Variants in P3H2 observed in about 807,000 individuals in gnomAD.
The protein encoded by P3H2 is prolyl 3-hydroxylase 2.
In P3H2, 80 loss-of-function variants were observed where a neutral mutation model predicts 87.0. The observed-to-expected ratio is 0.92, with a 90% CI of 0.77 to 1.11. The LOEUF (loss-of-function observed/expected upper bound fraction) is 1.11, where lower values mean the gene tolerates loss of function less well. P3H2 is among the 50% of genes least tolerant of loss of function. The pLI is 0.00. For missense variants in P3H2, 1,001 were observed against 923.9 expected (o/e 1.08, Z -1.08); for synonymous variants, 367 against 359.3 (o/e 1.02, Z -0.24).
At chr3:190,109,505 T>G (rs1371538954) in intron 1 of P3H2, among the ~76,000 whole-genome samples, 1 of 152,208 alleles carries the variant, frequency 6.6e-6, no homozygotes, top group Admixed American at 6.6e-5. Context: ...GAATGAGAAA[T>G]ATAGTCATTC....
intron 1 of P3H2, among the ~76,000 whole-genome samples, chr3:190,088,477 T>TAG (rs10681604): frequency 0.11 from 17,161 of 152,152 alleles, 2,142 homozygotes; most frequent in African/African-American, 0.31. Flanking sequence ...AGAAAACACA[T>TAG]AGATCTCTCT....
At chr3:190,085,986 AC>A (rs534402078) in intron 1 of P3H2, among the ~76,000 whole-genome samples, 276 of 152,310 alleles carry the variant, frequency 1.8e-3, no homozygotes, top group African/African-American at 6.5e-3. Context: ...AGCAAAATTT[AC>A]TAAAAGATTT....
chr3:190,067,098 GC>G (rs1309324707), intron 1 of P3H2, among the ~76,000 whole-genome samples: 3 of 149,976 alleles, frequency 2.0e-5, no homozygotes, highest in African/African-American at 7.5e-5. Flanking sequence ...TCCTGCCTTG[GC>G]CTCCCAAAGT....
intron 3 of P3H2, among the ~76,000 whole-genome samples, chr3:189,993,613 T>C (rs1012834518): frequency 6.6e-6 from 1 of 152,124 alleles, no homozygotes; most frequent in Non-Finnish European, 1.5e-5. Flanking sequence ...TACACAAAAG[T>C]GTTCACTACT....
chr3:190,052,380 T>C (rs1023162878), intron 1 of P3H2, among the ~76,000 whole-genome samples: 43 of 152,140 alleles, frequency 2.8e-4, no homozygotes, highest in African/African-American at 9.9e-4. Context: ...CTGAGAATGA[T>C]AGCTTCCAGT....
intron 1 of P3H2, among the ~76,000 whole-genome samples, chr3:190,029,770 G>A (rs113055134): frequency 0.026 from 3,940 of 152,220 alleles, 175 homozygotes; most frequent in African/African-American, 0.09. Context: ...GGAGGCCAAG[G>A]TGGGTGGATC....
chr3:189,987,303 C>T (rs961923455), intron 5 of P3H2, among the ~76,000 whole-genome samples: 8 of 151,670 alleles, frequency 5.3e-5, no homozygotes, highest in South Asian at 2.1e-4. Flanking sequence ...GGAGAAACCC[C>T]GTCTCTACTA....
intron 7 of P3H2, 58 bp from the exon 8 acceptor site, chr3:189,983,198 C>G (rs905420160): frequency 1.3e-5 from 16 of 1,265,110 alleles, no homozygotes; most frequent in Non-Finnish European, 1.9e-5. Context: ...TGTTCAAAGG[C>G]AAAGAATACT....
chr3:190,071,097 T>C (rs372151900), intron 1 of P3H2, among the ~76,000 whole-genome samples: 7 of 152,240 alleles, frequency 4.6e-5, no homozygotes, highest in African/African-American at 1.7e-4. Context: ...CAATAAATAC[T>C]ATCATGTTAC....
intron 13 of P3H2, among the ~76,000 whole-genome samples, chr3:189,965,979 AAAAG>A (rs1485667042): frequency 9.4e-4 from 141 of 150,752 alleles, no homozygotes; most frequent in African/African-American, 2.8e-3. Context: ...GAAAAAAAAA[AAAAG>A]AAAGAAAGAA....
chr3:189,984,583 C>A lies in P3H2; in HGVS notation c.1196G>T (p.Trp399Leu). Residue 399 changes from tryptophan (W) to leucine (L), a missense_variant, in exon 7 of 15, where the codon TGG (tryptophan) becomes TTG (leucine). By Grantham distance (61) the Trp-to-Leu change is moderately conservative. Transcript: ENST00000319332. ...ATCCTGTCGTCCTCCATATCTGATC[C>A]AATAATTCTGTTTTGAATCGAGTAA... is the stretch of plus-strand genomic sequence containing the variant. ...LGFSYTEPNY[W>L]IRYGGRQDEN... The A allele has an allele frequency of 1.3e-6, 2 of 1,599,206 alleles. No homozygotes were observed. The highest frequency in any genetic ancestry group is 2.2e-5 in the South Asian group (2 of 90,132).
chr3:190,050,134 C>T (rs561653337), intron 1 of P3H2, among the ~76,000 whole-genome samples: 26 of 152,242 alleles, frequency 1.7e-4, no homozygotes, highest in African/African-American at 5.3e-4. Context: ...CCCATGTGAA[C>T]AAAATTGCTA....
At chr3:190,110,467 C>G (rs955873556) in intron 1 of P3H2, among the ~76,000 whole-genome samples, 1 of 152,156 alleles carries the variant, frequency 6.6e-6, no homozygotes, top group Admixed American at 6.5e-5. Context: ...CCTTGGTAAT[C>G]CTATAGAAAC....
At chr3:190,101,051 C>T (rs1016036636) in intron 1 of P3H2, among the ~76,000 whole-genome samples, 3 of 151,942 alleles carry the variant, frequency 2.0e-5, no homozygotes, top group African/African-American at 2.4e-5. Context: ...GCAGCTGGTT[C>T]GGGCCCCACA....
At chr3:190,104,708 T>C (rs1711765223) in intron 1 of P3H2, among the ~76,000 whole-genome samples, 2 of 152,218 alleles carry the variant, frequency 1.3e-5, no homozygotes, top group African/African-American at 2.4e-5. Flanking sequence ...GATGTCCTGA[T>C]CAGTTGTAAT....
At chr3:190,063,848 G>A (rs564844449) in intron 1 of P3H2, among the ~76,000 whole-genome samples, 1 of 152,158 alleles carries the variant, frequency 6.6e-6, no homozygotes, top group Admixed American at 6.6e-5. Flanking sequence ...CAGCCAATTT[G>A]TTACTTTCTG....
At position 189,988,955 on chromosome 3, in the gene P3H2, T is replaced by C; in HGVS notation, c.907A>G (p.Asn303Asp). ...TRPGRLSPIENFLPLHYDYLQ... is the reference protein window; with the variant it reads ...TRPGRLSPIEDFLPLHYDYLQ... ...TAATCATAGTGCAGAGGAAGAAAAT[T>C]CTCGATGGGAGAGAGGCGGCCAGGG... Residue 303 changes from asparagine (N) to aspartate (D), a missense_variant, in exon 4 of 15, where the codon AAT (asparagine) becomes GAT (aspartate). Physicochemically the swap from Asn to Asp is conservative, Grantham distance 23. Coordinates refer to ENST00000319332, the MANE Select transcript of P3H2 (RefSeq NM_018192.4). 1 of 1,613,992 alleles carries C rather than the reference T, an allele frequency of 6.2e-7. No homozygotes were observed. The highest frequency in any genetic ancestry group is 8.5e-7 in the Non-Finnish European group (1 of 1,180,006).
chr3:189,962,054 T>C (rs1352707628), intron 14 of P3H2, among the ~76,000 whole-genome samples: 1 of 152,070 alleles, frequency 6.6e-6, no homozygotes, highest in African/African-American at 2.4e-5. Context: ...AATACCAGGA[T>C]ATAAAGTAAT....
intron 8 of P3H2, among the ~76,000 whole-genome samples, chr3:189,976,865 C>T (rs890452660): frequency 6.6e-6 from 1 of 152,100 alleles, no homozygotes; most frequent in African/African-American, 2.4e-5. Flanking sequence ...AGTATCACAT[C>T]TTTTAGTTGA....
Sources: gnomAD v4.1 joint callset for allele counts (sites outside exome capture counted in the v4.1 genomes callset) on GRCh38, gnomAD v4.1.1 for gene constraint, MANE v1.5 for transcripts, NCBI Gene and HGNC (gene_info 2026-07-23, HGNC 2026-07-21) for gene names.